MEI4: variants seen among roughly 807,000 people sequenced by gnomAD.
MEI4 encodes meiotic double-stranded break formation protein 4.
A neutral mutation model predicts 31.4 loss-of-function variants in MEI4; 27 were observed. The ratio of observed to expected loss-of-function variants is 0.86; its 90% CI spans 0.63 to 1.19. MEI4 has a LOEUF of 1.19. Among genes scored for constraint, MEI4 ranks in the 50% most tolerant of loss-of-function variants. MEI4 has a pLI of 0.00. For synonymous variants in MEI4, 122 were observed against 145.4 expected (o/e 0.84, Z 1.16); for missense variants, 329 against 398.9 (o/e 0.82, Z 1.49).
At chr6:77,730,596 G>C (rs937160009) in intron 2 of MEI4, among the ~76,000 whole-genome samples, 4 of 149,856 alleles carry the variant, frequency 2.7e-5, no homozygotes, top group African/African-American at 9.7e-5. Context: ...ATTTTTTTTA[G>C]TCTTATATAT....
intron 4 of MEI4, among the ~76,000 whole-genome samples, chr6:77,833,279 C>T (rs1179072340): frequency 6.6e-6 from 1 of 151,828 alleles, no homozygotes; most frequent in African/African-American, 2.4e-5. Context: ...AGACTGGTGA[C>T]CTATTTGATT....
In MEI4 at chr6:77,926,305, T is replaced by C. The variant is rs1581989962; in HGVS notation, c.*2959T>C. 1.3e-5 allele frequency: 2 copies of C among 152,062 alleles called. No homozygotes were observed. Among genetic ancestry groups the C allele is most frequent in the East Asian group, 3.9e-4 (2 of 5,146 alleles). 9.4% of individuals were successfully genotyped at this position (152,062 alleles called of 1,614,324 possible). ...TAAGTAAACCAGAGGAACAGCATCT[T>C]TGACCTTTTCAGGGTTGTAGCATCT... On this transcript the variant is annotated 3_prime_UTR_variant, in exon 5 of 5. Transcript: ENST00000684080.
chr6:77,900,801 C>A (rs1766171082), intron 4 of MEI4, among the ~76,000 whole-genome samples: 1 of 151,900 alleles, frequency 6.6e-6, no homozygotes, highest in African/African-American at 2.4e-5. Flanking sequence ...CCATAATGCA[C>A]AACAGGTGTC....
At chr6:77,755,780 A>G (rs1767899811) in intron 2 of MEI4, among the ~76,000 whole-genome samples, 1 of 151,832 alleles carries the variant, frequency 6.6e-6, no homozygotes. Flanking sequence ...ATAATTATGT[A>G]ATAATAAAAA....
chr6:77,901,819 A>G (rs964229026), intron 4 of MEI4, among the ~76,000 whole-genome samples: 1 of 151,906 alleles, frequency 6.6e-6, no homozygotes, highest in African/African-American at 2.4e-5. Context: ...CTCCTTTTTT[A>G]TGTAGCAGTT....
intron 3 of MEI4, among the ~76,000 whole-genome samples, chr6:77,779,079 G>A (rs1013056674): frequency 6.6e-6 from 1 of 152,112 alleles, no homozygotes; most frequent in African/African-American, 2.4e-5. Flanking sequence ...GCTTTTTAAG[G>A]CTATGGGAAA....
At chr6:77,795,766 G>GAAAA (rs71774242) in intron 3 of MEI4, among the ~76,000 whole-genome samples, 2 of 143,728 alleles carry the variant, frequency 1.4e-5, no homozygotes, top group East Asian at 4.0e-4. Flanking sequence ...GATTGCATTG[G>GAAAA]AAAAAAAAAA....
At chr6:77,797,591 C>T (rs1769115097) in intron 3 of MEI4, among the ~76,000 whole-genome samples, 1 of 152,028 alleles carries the variant, frequency 6.6e-6, no homozygotes, top group African/African-American at 2.4e-5. Context: ...CGAGATCCCC[C>T]GGCAAACCAC....
intron 3 of MEI4, among the ~76,000 whole-genome samples, chr6:77,801,658 A>C (rs1769263380): frequency 6.6e-6 from 1 of 152,118 alleles, no homozygotes. Context: ...CGCTGCTTTG[A>C]ATGTGTCCCA....
At chr6:77,804,496 A>G (rs1264865260) in intron 3 of MEI4, among the ~76,000 whole-genome samples, 4 of 152,138 alleles carry the variant, frequency 2.6e-5, no homozygotes, top group Admixed American at 1.3e-4. Context: ...AGTGAGATGA[A>G]CCTGGTACCT....
intron 2 of MEI4, among the ~76,000 whole-genome samples, chr6:77,736,492 C>G (rs950631551): frequency 1.3e-5 from 2 of 152,086 alleles, no homozygotes; most frequent in Admixed American, 6.5e-5. Flanking sequence ...CCTGCTTCGG[C>G]TTGCGAACGG....
chr6:77,761,365 T>A lies in MEI4; in HGVS notation c.468T>A (p.Tyr156Ter). 8.1e-7 allele frequency: 1 copy of A among 1,232,364 alleles called. No homozygotes were observed. 76.3% of individuals were successfully genotyped at this position (1,232,364 alleles called of 1,614,324 possible). ...CTTCTCACATGCAATTCTTGCAATATCTACTTGAATTAAAGAACTTGACAG... is the reference window on the plus strand; with the variant it reads ...CTTCTCACATGCAATTCTTGCAATAACTACTTGAATTAAAGAACTTGACAG... ...PLSSHMQFLQ[Y>*]LLELKNLTES... The change falls in exon 3 of 5, where the codon TAT (tyrosine) becomes TAA (stop). Residue 156 changes from tyrosine (Y) to a stop codon, truncating the protein, a stop_gained. Coordinates refer to ENST00000684080, the MANE Select transcript of MEI4 (RefSeq NM_001322247.2). LOFTEE classifies it high-confidence loss of function.
intron 4 of MEI4, among the ~76,000 whole-genome samples, chr6:77,904,039 T>A (rs1488446347): frequency 1.3e-5 from 2 of 152,152 alleles, no homozygotes; most frequent in Non-Finnish European, 1.5e-5. Flanking sequence ...GAGAACTTAA[T>A]CCATTTACTT....
intron 3 of MEI4, among the ~76,000 whole-genome samples, chr6:77,803,871 A>G (rs1769348074): frequency 1.3e-5 from 2 of 152,138 alleles, no homozygotes; most frequent in Admixed American, 6.5e-5. Flanking sequence ...GTGAGTTGTC[A>G]GTCTGCCCCT....
At chr6:77,866,304 A>G (rs62425089) in intron 4 of MEI4, among the ~76,000 whole-genome samples, 25,638 of 152,106 alleles carry the variant, frequency 0.17, 2,747 homozygotes, top group Non-Finnish European at 0.22. Context: ...CTGTTTGCAG[A>G]TGACATGATT....
intron 1 of MEI4, among the ~76,000 whole-genome samples, chr6:77,670,692 A>G (rs534175419): frequency 6.6e-6 from 1 of 152,060 alleles, no homozygotes; most frequent in South Asian, 2.1e-4. Context: ...CCCTTTGCAT[A>G]TTTGCTCAAA....
chr6:77,681,220 A>G (rs898441212), intron 1 of MEI4, among the ~76,000 whole-genome samples: 1 of 152,062 alleles, frequency 6.6e-6, no homozygotes, highest in Non-Finnish European at 1.5e-5. Context: ...TCCTATGTTC[A>G]TTCTTATTTT....
chr6:77,891,377 A>G (rs1771763832), intron 4 of MEI4, among the ~76,000 whole-genome samples: 1 of 151,908 alleles, frequency 6.6e-6, no homozygotes, highest in Non-Finnish European at 1.5e-5. Context: ...AAGTTCAACG[A>G]TTATTTTGCT....
At chr6:77,670,324 C>T (rs1341790227) in intron 1 of MEI4, among the ~76,000 whole-genome samples, 2 of 151,956 alleles carry the variant, frequency 1.3e-5, no homozygotes, top group African/African-American at 4.8e-5. Context: ...CTCTTTCTGA[C>T]AGTATAGTTG....
Sources: allele counts gnomAD v4.1 joint callset (sites outside exome capture counted in the v4.1 genomes callset), GRCh38; gene constraint gnomAD v4.1.1; transcripts MANE v1.5; gene names NCBI Gene and HGNC (gene_info 2026-07-23, HGNC 2026-07-21).